The following COL5A2 variants were observed in gnomAD, a reference collection of about 807,000 sequenced individuals.
The protein encoded by COL5A2 is collagen alpha-2(V) chain.
A neutral mutation model predicts 208.2 loss-of-function variants in COL5A2; 23 were observed. The ratio of observed to expected loss-of-function variants is 0.11; its 90% CI spans 0.08 to 0.16. The LOEUF (loss-of-function observed/expected upper bound fraction) is 0.16, where lower values mean the gene tolerates loss of function less well. Ranked by LOEUF, COL5A2 falls within the 10% of genes least tolerant of loss-of-function variation. The probability of loss-of-function intolerance (pLI) is 1.00; values close to 1 mark genes in which losing one functional copy is unlikely to be tolerated. For synonymous variants in COL5A2, 625 were observed against 628.5 expected (o/e 0.99, Z 0.08); for missense variants, 1,590 against 1,956.4 (o/e 0.81, Z 3.53).
intron 1 of COL5A2, among the ~76,000 whole-genome samples, chr2:189,218,573 AAAGG>A (rs1473912062): frequency 6.6e-6 from 1 of 152,206 alleles, no homozygotes; most frequent in Non-Finnish European, 1.5e-5. Context: ...AAGCCATAAA[AAAGG>A]AAGAAACACC....
chr2:189,078,114 A>G (rs1445855432), intron 16 of COL5A2, among the ~76,000 whole-genome samples: 3 of 152,198 alleles, frequency 2.0e-5, no homozygotes, highest in Non-Finnish European at 2.9e-5. Context: ...TAGGAGTATG[A>G]GGAACATAAA....
chr2:189,105,525 TC>T (rs1377373398), intron 2 of COL5A2, among the ~76,000 whole-genome samples: 1 of 151,568 alleles, frequency 6.6e-6, no homozygotes, highest in African/African-American at 2.4e-5. Flanking sequence ...TTAGCTAATT[TC>T]CCTTGCCTAT....
At chr2:189,084,165 A>G in intron 11 of COL5A2, 128 bp from the exon 12 acceptor site, 2 of 691,834 alleles carry the variant, frequency 2.9e-6, no homozygotes, top group Admixed American at 4.8e-5. Flanking sequence ...AATTCTCTAA[A>G]CAGTGCAAAA....
the COL5A2 span, among the ~76,000 whole-genome samples, chr2:189,232,399 T>C: frequency 6.6e-6 from 1 of 151,680 alleles, no homozygotes. Flanking sequence ...ATTCATGACA[T>C]AATTATTTTA....
the COL5A2 span, among the ~76,000 whole-genome samples, chr2:189,389,562 T>C: frequency 6.6e-6 from 1 of 152,194 alleles, no homozygotes; most frequent in Non-Finnish European, 1.5e-5. Context: ...GTGCAATCTT[T>C]AGTGTAGAAT....
chr2:189,149,087 C>T (rs1325423040), intron 1 of COL5A2, among the ~76,000 whole-genome samples: 2 of 152,260 alleles, frequency 1.3e-5, no homozygotes, highest in African/African-American at 4.8e-5. Context: ...TTGCAGTGAG[C>T]CGAGATCGCA....
At chr2:189,388,043 C>T in the COL5A2 span, among the ~76,000 whole-genome samples, 1 of 152,138 alleles carries the variant, frequency 6.6e-6, no homozygotes. Flanking sequence ...CCTCAGCCTC[C>T]CAAAATGCTA....
chr2:189,399,472 A>G, the COL5A2 span, among the ~76,000 whole-genome samples: 1 of 152,070 alleles, frequency 6.6e-6, no homozygotes, highest in Non-Finnish European at 1.5e-5. Context: ...GCTGGTCTCA[A>G]ACTCTGACCT....
chr2:189,090,914 A>G (rs1686770809), intron 7 of COL5A2, among the ~76,000 whole-genome samples: 1 of 152,210 alleles, frequency 6.6e-6, no homozygotes, highest in South Asian at 2.1e-4. Context: ...ATACAAGGAT[A>G]TTAATGTTGT....
the COL5A2 span, among the ~76,000 whole-genome samples, chr2:189,418,591 C>T: frequency 6.6e-6 from 1 of 152,284 alleles, no homozygotes; most frequent in Middle Eastern, 3.4e-3. Context: ...GTCCATTTTC[C>T]TCTGATTTAT....
At chr2:189,193,323 GATAAAGA>G (rs1298088910) in intron 1 of COL5A2, among the ~76,000 whole-genome samples, 2 of 152,080 alleles carry the variant, frequency 1.3e-5, no homozygotes, top group Non-Finnish European at 2.9e-5. Flanking sequence ...GGGAAAGAAA[GATAAAGA>G]ATAATGAGGA....
intron 1 of COL5A2, among the ~76,000 whole-genome samples, chr2:189,201,813 A>C (rs1397498571): frequency 1.3e-5 from 2 of 151,932 alleles, no homozygotes; most frequent in Non-Finnish European, 2.9e-5. Context: ...GGAATTCTCA[A>C]GAGATATGCT....
chr2:189,402,996 T>C, the COL5A2 span, among the ~76,000 whole-genome samples: 1 of 152,232 alleles, frequency 6.6e-6, no homozygotes, highest in Non-Finnish European at 1.5e-5. Flanking sequence ...TAAACTGCTT[T>C]GGGCAGTATG....
At chr2:189,263,196 C>T in the COL5A2 span, among the ~76,000 whole-genome samples, 1 of 152,138 alleles carries the variant, frequency 6.6e-6, no homozygotes, top group East Asian at 1.9e-4. Context: ...CTCTCAAAAA[C>T]ATCCAAAATT....
the COL5A2 span, among the ~76,000 whole-genome samples, chr2:189,305,423 G>A: frequency 6.6e-6 from 1 of 152,192 alleles, no homozygotes; most frequent in Non-Finnish European, 1.5e-5. Context: ...TTATAAAAGA[G>A]ACTTCACAAT....
At chr2:189,278,545 T>C in the COL5A2 span, among the ~76,000 whole-genome samples, 2 of 152,234 alleles carry the variant, frequency 1.3e-5, no homozygotes, top group African/African-American at 4.8e-5. Context: ...TCTTTGCCTT[T>C]ACTCTTAAAA....
At chr2:189,169,071 G>A (rs982361182) in intron 1 of COL5A2, among the ~76,000 whole-genome samples, 2 of 152,234 alleles carry the variant, frequency 1.3e-5, no homozygotes, top group African/African-American at 4.8e-5. Flanking sequence ...CCCTACTACT[G>A]TATCCGAATA....
chr2:189,184,566 G>A (rs1217136842), upstream of COL5A2, among the ~76,000 whole-genome samples: 1 of 152,036 alleles, frequency 6.6e-6, no homozygotes, highest in Non-Finnish European at 1.5e-5. Flanking sequence ...TTGTTTTGTG[G>A]CCCCTTCCTC....
chr2:189,063,088 A>G (rs750244351), intron 27 of COL5A2, 25 bp from the exon 28 acceptor site: 2 of 1,613,888 alleles, frequency 1.2e-6, no homozygotes, highest in Non-Finnish European at 1.7e-6. Context: ...AAACTTTTGT[A>G]TAATTCCTTC....
Sources: gnomAD v4.1 joint callset for allele counts (sites outside exome capture counted in the v4.1 genomes callset) on GRCh38, gnomAD v4.1.1 for gene constraint, MANE v1.5 for transcripts, NCBI Gene and HGNC (gene_info 2026-07-23, HGNC 2026-07-21) for gene names.